SEMA3D: variants seen among roughly 807,000 people sequenced by gnomAD.
The protein encoded by SEMA3D is semaphorin 3D, also known as semaphorin-3D.
Under a neutral mutation model 100.1 loss-of-function variants are expected in SEMA3D, and 84 were observed. The ratio of observed to expected loss-of-function variants is 0.84; its 90% CI spans 0.70 to 1.01. The LOEUF (loss-of-function observed/expected upper bound fraction) is 1.01. Ranked by LOEUF, SEMA3D falls within the 50% of genes least tolerant of loss-of-function variation. SEMA3D has a pLI of 0.00. For missense variants in SEMA3D, 875 were observed against 934.1 expected, an observed-to-expected ratio of 0.94 and a Z score of 0.82; for synonymous variants, 312 against 320.7, an observed-to-expected ratio of 0.97 and a Z score of 0.29.
rs1790626789 is a variant in SEMA3D, at chr7:85,157,254, TAAC to T, written c.-172-3518_-172-3516del. 3.3e-5 allele frequency among the ~76,000 whole-genome samples: 5 copies of T among 152,322 alleles called. No homozygotes were observed. The South Asian group carries it at 6.2e-4, about 19-fold the overall frequency. On this transcript the variant is annotated intron_variant, in intron 1 of 18. Coordinates refer to ENST00000284136, the MANE Select transcript of SEMA3D (RefSeq NM_001384900.1). Reference sequence around the variant, plus strand: ...GTGGCAGTTAATAAATAAATTATGTTAACAATATCAAATATGGTAACAGTTTTG... The same window carrying T: ...GTGGCAGTTAATAAATAAATTATGTTAATATCAAATATGGTAACAGTTTTG...
At chr7:85,138,729 A>G (rs1323739302) in intron 2 of SEMA3D, among the ~76,000 whole-genome samples, 1 of 150,902 alleles carries the variant, frequency 6.6e-6, no homozygotes, top group African/African-American at 2.4e-5. Context: ...TGGGTTACAT[A>G]GGTATACACG....
chr7:85,007,652 T>C (rs1789836423), intron 17 of SEMA3D, among the ~76,000 whole-genome samples: 1 of 151,796 alleles, frequency 6.6e-6, no homozygotes, highest in South Asian at 2.1e-4. Flanking sequence ...ATACATTCCA[T>C]CTAGAGTAGC....
In SEMA3D at chr7:85,097,936, A is replaced by G. The variant is rs1349355720; in HGVS notation, c.181T>C (p.Phe61Leu). The change falls in exon 4 of 19, where the codon TTT becomes CTT. Residue 61 changes from phenylalanine to leucine, a missense_variant. Phe to Leu is a conservative substitution (Grantham distance 22, BLOSUM62 0). Transcript: ENST00000284136. Reference sequence around the variant, plus strand: ...TCCAGTCCTTCTGATGAACCCAAAAAGGGAATACAGCTATTTGAAAGCAGC... The same window carrying G: ...TCCAGTCCTTCTGATGAACCCAAAAGGGGAATACAGCTATTTGAAAGCAGC... The part of the protein sequence containing the change: ...DLLLSNSCIP[F>L]LGSSEGLDFQ... The G allele has an allele frequency of 1.2e-6, 2 of 1,604,272 alleles. No individual in the cohort carries two copies. The highest frequency in any genetic ancestry group is 1.7e-6 in the Non-Finnish European group (2 of 1,173,778).
rs114422087 is a variant in SEMA3D, at chr7:85,110,152, T to C, written c.151+11589A>G. On this transcript the variant is annotated intron_variant, in intron 3 of 18. Transcript: ENST00000284136. ...ATTCCAGGAAGGCTTCTTGTATGTT[T>C]GCATGGCAATAGTGCATCATATATT... Among the ~76,000 whole-genome samples, 1,153 of 152,100 alleles carry C rather than the reference T, an allele frequency of 7.6e-3. 18 individuals are homozygous for C. Among genetic ancestry groups the C allele is most frequent in the African/African-American group, 0.027 (1,107 of 41,534 alleles).
At chr7:85,070,185 T>C (rs1396805176) in intron 6 of SEMA3D, among the ~76,000 whole-genome samples, 4 of 152,202 alleles carry the variant, frequency 2.6e-5, no homozygotes, top group Admixed American at 6.5e-5. Flanking sequence ...CTATTAGAAG[T>C]TGTTGACAGC....
chr7:85,247,496 A>C, the SEMA3D span, among the ~76,000 whole-genome samples: 1 of 152,128 alleles, frequency 6.6e-6, no homozygotes, highest in Non-Finnish European at 1.5e-5. Context: ...GTATATATGC[A>C]TCTCAAAAAA....
At chr7:85,151,907 C>G (rs1001702983) in intron 2 of SEMA3D, 4 of 164,762 alleles carry the variant, frequency 2.4e-5, no homozygotes, top group African/African-American at 9.6e-5. Flanking sequence ...CAAAGAACAT[C>G]TCTTACAATT....
chr7:85,137,306 T>C (rs556891770), intron 2 of SEMA3D, among the ~76,000 whole-genome samples: 8 of 151,944 alleles, frequency 5.3e-5, no homozygotes, highest in Non-Finnish European at 1.2e-4. Flanking sequence ...AGATATGACA[T>C]ATATAGTATA....
chr7:85,138,652 TTTA>T (rs1789938545), intron 2 of SEMA3D, among the ~76,000 whole-genome samples: 2 of 89,300 alleles, frequency 2.2e-5, no homozygotes, highest in East Asian at 3.5e-4. Context: ...ATATATTTAA[TTTA>T]ATATATATAT....
At chr7:85,133,379 C>T (rs1017248251) in intron 2 of SEMA3D, among the ~76,000 whole-genome samples, 4 of 151,956 alleles carry the variant, frequency 2.6e-5, no homozygotes, top group Non-Finnish European at 4.4e-5. Flanking sequence ...ATACAGCTGC[C>T]GATGGATATT....
chr7:85,186,457 G>A (rs1459583746), intron 1 of SEMA3D, among the ~76,000 whole-genome samples: 1 of 152,130 alleles, frequency 6.6e-6, no homozygotes, highest in Non-Finnish European at 1.5e-5. Context: ...CCCAGGGGCC[G>A]CGCTGAAGCT....
At position 85,077,142 on chromosome 7, in the gene SEMA3D, ATTG is replaced by A. The variant is rs926108497; in HGVS notation, c.376-4064_376-4062del. On this transcript the variant is annotated intron_variant, in intron 5 of 18. Coordinates refer to ENST00000284136, the MANE Select transcript of SEMA3D (RefSeq NM_001384900.1). Reference sequence around the variant, plus strand: ...AAAAAACTTTAAAATATTTTAATAGATTGTTAATACTTCAAAATAAAAATAGAA... The same window carrying A: ...AAAAAACTTTAAAATATTTTAATAGATTAATACTTCAAAATAAAAATAGAA... Among the ~76,000 whole-genome samples, 59 of 151,604 alleles carry A rather than the reference ATTG, an allele frequency of 3.9e-4. 2 individuals are homozygous for A. Among genetic ancestry groups the A allele is most frequent in the African/African-American group, 1.4e-3 (56 of 41,422 alleles).
chr7:85,145,435 A>AT (rs1045612463), intron 2 of SEMA3D, among the ~76,000 whole-genome samples: 40 of 152,176 alleles, frequency 2.6e-4, no homozygotes, highest in African/African-American at 9.4e-4. Context: ...ATTGTTAGTT[A>AT]TTTTTAGTTA....
chr7:85,239,948 A>AT, the SEMA3D span, among the ~76,000 whole-genome samples: 1 of 152,098 alleles, frequency 6.6e-6, no homozygotes, highest in Non-Finnish European at 1.5e-5. Context: ...CTACATAATC[A>AT]TGTTTTCTAC....
chr7:85,226,838 T>A, the SEMA3D span, among the ~76,000 whole-genome samples: 1 of 152,200 alleles, frequency 6.6e-6, no homozygotes, highest in South Asian at 2.1e-4. Context: ...ATCTTCAAAG[T>A]GCATGCCACG....
intron 17 of SEMA3D, among the ~76,000 whole-genome samples, chr7:85,008,155 A>G (rs1451013030): frequency 6.6e-6 from 1 of 151,818 alleles, no homozygotes; most frequent in African/African-American, 2.4e-5. Context: ...GACATGCACC[A>G]TCTTATAATA....
At chr7:85,103,795 T>C (rs1347143143) in intron 3 of SEMA3D, among the ~76,000 whole-genome samples, 1 of 152,048 alleles carries the variant, frequency 6.6e-6, no homozygotes, top group Non-Finnish European at 1.5e-5. Flanking sequence ...AAGGACACGA[T>C]TTTTTATTTA....
intron 1 of SEMA3D, chr7:85,162,938 A>C (rs1211647358): frequency 3.2e-6 from 1 of 310,754 alleles, no homozygotes; most frequent in East Asian, 1.7e-4. Context: ...GAAGTAAAGG[A>C]ACTGAGTCAG....
chr7:85,052,142 T>C (rs964164668), intron 9 of SEMA3D, among the ~76,000 whole-genome samples: 5 of 151,896 alleles, frequency 3.3e-5, no homozygotes, highest in Admixed American at 1.3e-4. Flanking sequence ...TCTCTTGAAC[T>C]TACTCTTAGT....
Sources: allele counts gnomAD v4.1 joint callset (sites outside exome capture counted in the v4.1 genomes callset), GRCh38; gene constraint gnomAD v4.1.1; transcripts MANE v1.5; gene names NCBI Gene and HGNC (gene_info 2026-07-23, HGNC 2026-07-21).